The following PTPRD variants were observed in gnomAD, a reference collection of about 807,000 sequenced individuals.
PTPRD encodes protein tyrosine phosphatase receptor type D, also known as receptor-type tyrosine-protein phosphatase delta.
PTPRD carries 34 observed loss-of-function variants against 214.5 expected under a neutral mutation model. The observed-to-expected ratio is 0.16, with a 90% CI of 0.12 to 0.21. The LOEUF is 0.21. Ranked by LOEUF, PTPRD falls within the 10% of genes least tolerant of loss-of-function variation. PTPRD has a pLI of 1.00. For missense variants in PTPRD, 2,545 were observed against 2,398.7 expected, an observed-to-expected ratio of 1.06 and a Z score of -1.27; for synonymous variants, 1,128 against 845.7, an observed-to-expected ratio of 1.33 and a Z score of -5.79.
chr9:10,081,868 C>T lies in PTPRD; in HGVS notation c.-544-48078G>A, dbSNP rs141530962. Reference sequence around the variant, plus strand: ...TGAGTGCTTATTAATCATTTGATTACGGTATGATGCAGTCATACACCTCTC... The same window carrying T: ...TGAGTGCTTATTAATCATTTGATTATGGTATGATGCAGTCATACACCTCTC... On this transcript the variant is annotated intron_variant, in intron 3 of 45. Coordinates refer to ENST00000381196, the MANE Select transcript of PTPRD (RefSeq NM_002839.4). Among the ~76,000 whole-genome samples, 130 of 152,018 alleles carry T rather than the reference C, an allele frequency of 8.6e-4. 1 individual carries two copies. The highest frequency in any genetic ancestry group is 2.4e-3 in the African/African-American group (100 of 41,500).
intron 5 of PTPRD, among the ~76,000 whole-genome samples, chr9:9,909,126 ATG>A (rs1484970938): frequency 6.6e-6 from 1 of 151,826 alleles, no homozygotes; most frequent in Non-Finnish European, 1.5e-5. Context: ...GAGGGAGTAG[ATG>A]TAATGATTTT....
At chr9:9,844,665 CTTTA>C (rs140347911) in intron 5 of PTPRD, among the ~76,000 whole-genome samples, 2,041 of 151,866 alleles carry the variant, frequency 0.013, 33 homozygotes, top group African/African-American at 0.045. Context: ...CAGTTATTAG[CTTTA>C]TTTATTATTT....
chr9:10,278,702 G>A (rs1236020515), intron 3 of PTPRD, among the ~76,000 whole-genome samples: 1 of 151,720 alleles, frequency 6.6e-6, no homozygotes, highest in South Asian at 2.1e-4. Flanking sequence ...TGATTTTTAT[G>A]CCAATCCGTA....
In PTPRD at chr9:9,349,611, A is replaced by G. The variant is rs139508472; in HGVS notation, c.-203+47838T>C. Among the ~76,000 whole-genome samples the G allele has an allele frequency of 1.1e-3, 166 of 147,600 alleles. 2 individuals carry two copies. The highest frequency in any genetic ancestry group is 4.1e-3 in the African/African-American group (161 of 39,298). On this transcript the variant is annotated intron_variant, in intron 9 of 45. Transcript: ENST00000381196. Reference sequence around the variant, plus strand: ...CTAAGTTTTTTTTTTTTTGTATACTAAAGTTTGAGAATGATTGTTTTATGG... The same window carrying G: ...CTAAGTTTTTTTTTTTTTGTATACTGAAGTTTGAGAATGATTGTTTTATGG...
chr9:8,504,100 A>G (rs1012120857), intron 23 of PTPRD, among the ~76,000 whole-genome samples, 161 bp downstream of exon 23: 9 of 152,214 alleles, frequency 5.9e-5, no homozygotes, highest in African/African-American at 2.2e-4. Flanking sequence ...TGAGACCAAA[A>G]GAAGTCACAG....
At position 9,175,637 on chromosome 9, in the gene PTPRD, A is replaced by C. The variant is rs896613227; in HGVS notation, c.-143+7667T>G. 7.1e-4 allele frequency among the ~76,000 whole-genome samples: 108 copies of C among 151,606 alleles called. 1 individual carries two copies. Among genetic ancestry groups the C allele is most frequent in the Non-Finnish European group, 1.2e-3 (82 of 67,884 alleles). Reference sequence around the variant, plus strand: ...GACTCTGTCTCAAAAAAAAAAAAAAAAAAAAAAAAAAAAGAGTTTTAACAA... The same window carrying C: ...GACTCTGTCTCAAAAAAAAAAAAAACAAAAAAAAAAAAAGAGTTTTAACAA... On this transcript the variant is annotated intron_variant, in intron 10 of 45. Transcript: ENST00000381196.
intron 33 of PTPRD, among the ~76,000 whole-genome samples, chr9:8,455,638 C>T (rs1036265043): frequency 1.3e-5 from 2 of 152,134 alleles, no homozygotes; most frequent in African/African-American, 4.8e-5. Context: ...TTAAATGGTA[C>T]AAACACACAC....
intron 3 of PTPRD, among the ~76,000 whole-genome samples, chr9:10,298,955 C>T (rs1321941733): frequency 6.6e-6 from 1 of 152,006 alleles, no homozygotes; most frequent in Non-Finnish European, 1.5e-5. Flanking sequence ...TTTCTCAATG[C>T]TTAGTTTCTT....
At chr9:9,319,152 G>A (rs1294030824) in intron 9 of PTPRD, among the ~76,000 whole-genome samples, 2 of 152,146 alleles carry the variant, frequency 1.3e-5, no homozygotes, top group African/African-American at 4.8e-5. Flanking sequence ...TTCAGCAGTG[G>A]CACGGGGTGA....
chr9:10,171,770 G>A lies in PTPRD; in HGVS notation c.-544-137980C>T, dbSNP rs796310132. On this transcript the variant is annotated intron_variant, in intron 3 of 45. Coordinates refer to ENST00000381196, the MANE Select transcript of PTPRD (RefSeq NM_002839.4). ...GATCTCCTGACCTTGTGATCCACCC[G>A]CCGTGGCCTCCCAAAGTGCTGGGAT... Among the ~76,000 whole-genome samples, 15 of 152,168 alleles carry A rather than the reference G, an allele frequency of 9.9e-5. 1 individual carries two copies. Among genetic ancestry groups the A allele is most frequent in the African/African-American group, 3.4e-4 (14 of 41,518 alleles).
chr9:10,484,660 A>G (rs1010818746), intron 2 of PTPRD, among the ~76,000 whole-genome samples: 1 of 151,982 alleles, frequency 6.6e-6, no homozygotes, highest in South Asian at 2.1e-4. Context: ...ACCTTTTCAT[A>G]TGTCTGCCAT....
intron 9 of PTPRD, among the ~76,000 whole-genome samples, chr9:9,285,074 C>G (rs1021875804): frequency 6.6e-6 from 1 of 151,724 alleles, no homozygotes; most frequent in Non-Finnish European, 1.5e-5. Context: ...TTTCCCACCA[C>G]CTAGTATGTA....
intron 9 of PTPRD, among the ~76,000 whole-genome samples, chr9:9,251,972 A>G (rs1184253046): frequency 2.0e-5 from 3 of 151,946 alleles, no homozygotes; most frequent in Non-Finnish European, 4.4e-5. Context: ...TGACTTCCCT[A>G]TTGTCTTTAC....
chr9:9,825,075 A>G (rs1005512130), intron 5 of PTPRD, among the ~76,000 whole-genome samples: 1 of 151,920 alleles, frequency 6.6e-6, no homozygotes, highest in Non-Finnish European at 1.5e-5. Flanking sequence ...ATTAATGTCT[A>G]GTTTCAAATG....
At chr9:9,734,783 A>AAAAGG (rs1270157647) in intron 6 of PTPRD, among the ~76,000 whole-genome samples, 1 of 152,134 alleles carries the variant, frequency 6.6e-6, no homozygotes, top group East Asian at 1.9e-4. Context: ...AACAAAGGAA[A>AAAAGG]AAAGGAAATG....
chr9:10,198,260 T>A (rs2099405701), intron 3 of PTPRD, among the ~76,000 whole-genome samples: 2 of 152,016 alleles, frequency 1.3e-5, no homozygotes. Flanking sequence ...CATCACTATA[T>A]AGTTGAGGGG....
chr9:9,506,528 T>C (rs753289923), intron 8 of PTPRD, among the ~76,000 whole-genome samples: 2 of 151,450 alleles, frequency 1.3e-5, no homozygotes, highest in African/African-American at 2.4e-5. Context: ...GTGAAAGAAA[T>C]GGGAAAGTTT....
At chr9:9,814,911 C>A (rs2048290414) in intron 5 of PTPRD, among the ~76,000 whole-genome samples, 1 of 149,662 alleles carries the variant, frequency 6.7e-6, no homozygotes, top group Non-Finnish European at 1.5e-5. Flanking sequence ...GCGATCCTTT[C>A]ACCTCAGCCT....
At chr9:8,931,520 G>A (rs1409427284) in intron 11 of PTPRD, among the ~76,000 whole-genome samples, 2 of 152,242 alleles carry the variant, frequency 1.3e-5, no homozygotes, top group South Asian at 4.1e-4. Flanking sequence ...TAGCTTGATG[G>A]GGATGGCATT....
Sources: allele counts gnomAD v4.1 joint callset (sites outside exome capture counted in the v4.1 genomes callset), GRCh38; gene constraint gnomAD v4.1.1; transcripts MANE v1.5; gene names NCBI Gene and HGNC (gene_info 2026-07-23, HGNC 2026-07-21).